Variants in MAN1A1 observed in about 807,000 individuals in gnomAD.
The protein encoded by MAN1A1 is mannosidase alpha class 1A member 1.
MAN1A1 carries 29 observed loss-of-function variants against 70.8 expected under a neutral mutation model. The observed-to-expected ratio is 0.41, with a 90% confidence interval of 0.31 to 0.56. The LOEUF is 0.56. MAN1A1 is among the 20% of genes least tolerant of loss of function. The pLI, the probability that MAN1A1 is intolerant of heterozygous loss-of-function variation, is 0.29. For synonymous variants in MAN1A1, 349 were observed against 330.1 expected, an observed-to-expected ratio of 1.06 and a Z score of -0.62; for missense variants, 747 against 841.3, an observed-to-expected ratio of 0.89 and a Z score of 1.39.
chr6:119,273,002 A>C (rs1186065077), intron 5 of MAN1A1, among the ~76,000 whole-genome samples: 1 of 152,202 alleles, frequency 6.6e-6, no homozygotes, highest in East Asian at 1.9e-4. Flanking sequence ...TCCAGTTACC[A>C]CTAAGTCATT....
intron 12 of MAN1A1, 66 bp from the exon 13 acceptor site, chr6:119,180,011 C>T (rs778478656): frequency 3.4e-6 from 5 of 1,490,378 alleles, no homozygotes; most frequent in Non-Finnish European, 4.6e-6. Flanking sequence ...CACAAACACA[C>T]AGCAAAAACC....
At chr6:119,252,899 T>C (rs1775362471) in intron 5 of MAN1A1, among the ~76,000 whole-genome samples, 2 of 152,138 alleles carry the variant, frequency 1.3e-5, no homozygotes, top group African/African-American at 2.4e-5. Context: ...AGACCAACCA[T>C]TGAAGCTGAT....
At chr6:119,225,400 A>G (rs1039290061) in intron 6 of MAN1A1, among the ~76,000 whole-genome samples, 17 of 143,456 alleles carry the variant, frequency 1.2e-4, no homozygotes, top group Admixed American at 3.5e-4. Flanking sequence ...TCTCTTAGAG[A>G]GAGAGACAGA....
At chr6:119,311,124 G>A (rs181866854) in intron 2 of MAN1A1, among the ~76,000 whole-genome samples, 5 of 152,192 alleles carry the variant, frequency 3.3e-5, no homozygotes, top group Non-Finnish European at 7.3e-5. Context: ...ACTGGTTGTG[G>A]TGATGATTAA....
intron 2 of MAN1A1, among the ~76,000 whole-genome samples, chr6:119,330,862 G>T (rs999993699): frequency 3.5e-5 from 5 of 144,286 alleles, no homozygotes; most frequent in African/African-American, 1.3e-4. Context: ...CCCCTAATCT[G>T]CCAGAGTTAT....
At chr6:119,291,002 T>A (rs1320151698) in intron 4 of MAN1A1, among the ~76,000 whole-genome samples, 2 of 151,916 alleles carry the variant, frequency 1.3e-5, no homozygotes, top group Non-Finnish European at 2.9e-5. Flanking sequence ...ATGACAATTT[T>A]TAAAAATAAA....
intron 2 of MAN1A1, among the ~76,000 whole-genome samples, chr6:119,347,627 C>T (rs1328889193): frequency 6.6e-6 from 1 of 152,184 alleles, no homozygotes; most frequent in South Asian, 2.1e-4. Flanking sequence ...CTAACGGGTT[C>T]TAGAGCTCTG....
chr6:119,231,137 CTATT>C (rs1774663171), intron 6 of MAN1A1, among the ~76,000 whole-genome samples: 1 of 152,140 alleles, frequency 6.6e-6, no homozygotes, highest in Non-Finnish European at 1.5e-5. Flanking sequence ...TTTTGGAAAA[CTATT>C]AAAGATTCTT....
intron 8 of MAN1A1, among the ~76,000 whole-genome samples, chr6:119,194,707 G>C (rs1477612478): frequency 6.6e-6 from 1 of 151,960 alleles, no homozygotes; most frequent in Non-Finnish European, 1.5e-5. Flanking sequence ...AAGGATATGG[G>C]GCAGAAGAAG....
chr6:119,293,944 T>G (rs1350703553), intron 4 of MAN1A1, among the ~76,000 whole-genome samples: 2 of 152,056 alleles, frequency 1.3e-5, no homozygotes, highest in East Asian at 3.9e-4. Context: ...AATTCCTCCA[T>G]GATGTAAAGC....
chr6:119,311,151 A>G (rs1772689310), intron 2 of MAN1A1, among the ~76,000 whole-genome samples: 1 of 152,254 alleles, frequency 6.6e-6, no homozygotes. Flanking sequence ...CAAGGCATGT[A>G]AAGAGTTTAA....
intron 2 of MAN1A1, among the ~76,000 whole-genome samples, chr6:119,334,318 T>A (rs1773397711): frequency 6.6e-6 from 1 of 152,210 alleles, no homozygotes; most frequent in African/African-American, 2.4e-5. Flanking sequence ...ATATCTTTCC[T>A]TTTATTAGTT....
At chr6:119,226,860 C>G (rs1774530369) in intron 6 of MAN1A1, among the ~76,000 whole-genome samples, 1 of 151,902 alleles carries the variant, frequency 6.6e-6, no homozygotes, top group African/African-American at 2.4e-5. Flanking sequence ...TTAGTAGAGA[C>G]AGAGTTTTGC....
intron 5 of MAN1A1, among the ~76,000 whole-genome samples, chr6:119,267,170 A>C (rs886118641): frequency 4.6e-5 from 7 of 152,242 alleles, no homozygotes; most frequent in Admixed American, 3.9e-4. Flanking sequence ...AGTTTGGAAG[A>C]CAGTTTGGCA....
chr6:119,239,620 C>T (rs556345009), intron 6 of MAN1A1, among the ~76,000 whole-genome samples: 16 of 152,220 alleles, frequency 1.1e-4, no homozygotes, highest in South Asian at 2.1e-4. Context: ...TTGATACCTG[C>T]GCTGATTTTC....
chr6:119,216,039 G>A (rs1774191677), intron 6 of MAN1A1, among the ~76,000 whole-genome samples: 1 of 152,186 alleles, frequency 6.6e-6, no homozygotes. Context: ...AGTCTGCAAA[G>A]TGTGAAAACA....
intron 5 of MAN1A1, among the ~76,000 whole-genome samples, chr6:119,275,451 C>T (rs1380250291): frequency 2.7e-5 from 4 of 146,292 alleles, no homozygotes; most frequent in East Asian, 3.9e-4. Flanking sequence ...GGACTACAGG[C>T]GCCCGCCACT....
chr6:119,237,772 T>C (rs746250583), intron 6 of MAN1A1, among the ~76,000 whole-genome samples: 1 of 152,214 alleles, frequency 6.6e-6, no homozygotes, highest in African/African-American at 2.4e-5. Flanking sequence ...ATACTACTTA[T>C]TAGTCCTACT....
intron 8 of MAN1A1, among the ~76,000 whole-genome samples, chr6:119,194,773 T>G (rs976774565): frequency 6.7e-6 from 1 of 149,646 alleles, no homozygotes; most frequent in Admixed American, 6.7e-5. Flanking sequence ...CCATTTATCA[T>G]GCCAGATCCA....
Sources: gnomAD v4.1 joint callset for allele counts (sites outside exome capture counted in the v4.1 genomes callset) on GRCh38, gnomAD v4.1.1 for gene constraint, MANE v1.5 for transcripts, NCBI Gene and HGNC (gene_info 2026-07-23, HGNC 2026-07-21) for gene names.